Variants in SPAG16 observed in about 807,000 individuals in gnomAD.
SPAG16 encodes sperm associated antigen 16.
In SPAG16, 86 loss-of-function variants were observed where a neutral mutation model predicts 80.4. The observed-to-expected ratio is 1.07, with a 90% confidence interval of 0.90 to 1.28. The LOEUF (loss-of-function observed/expected upper bound fraction) is 1.28. SPAG16 is among the 50% of genes most tolerant of loss of function. The pLI, the probability that SPAG16 is intolerant of heterozygous loss-of-function variation, is 0.00. For synonymous variants in SPAG16, 294 were observed against 265.9 expected (o/e 1.11, Z -1.03); for missense variants, 870 against 765.3 (o/e 1.14, Z -1.61).
intron 10 of SPAG16, among the ~76,000 whole-genome samples, chr2:213,608,238 T>A (rs190026614): frequency 0.012 from 1,838 of 152,300 alleles, 34 homozygotes; most frequent in African/African-American, 0.031. Context: ...GTTTGTTACA[T>A]ATGTATACAT....
chr2:214,018,133 C>T (rs1013556353), intron 13 of SPAG16, among the ~76,000 whole-genome samples: 4 of 151,828 alleles, frequency 2.6e-5, no homozygotes, highest in Non-Finnish European at 2.9e-5. Context: ...AAATTGTTAA[C>T]GAAAATATTG....
intron 10 of SPAG16, among the ~76,000 whole-genome samples, chr2:213,677,841 A>G (rs1047935331): frequency 1.3e-5 from 2 of 152,194 alleles, no homozygotes; most frequent in African/African-American, 4.8e-5. Flanking sequence ...CACCACACCG[A>G]TTCCAAAATT....
intron 11 of SPAG16, among the ~76,000 whole-genome samples, chr2:213,918,335 T>C (rs141220011): frequency 6.6e-6 from 1 of 152,174 alleles, no homozygotes; most frequent in Non-Finnish European, 1.5e-5. Flanking sequence ...ACAGTTTCAG[T>C]AAGAGTGATA....
chr2:213,605,316 G>C (rs527586060), intron 10 of SPAG16, among the ~76,000 whole-genome samples: 1 of 149,974 alleles, frequency 6.7e-6, no homozygotes, highest in African/African-American at 2.5e-5. Context: ...ACCCAGGCTG[G>C]AGTGCAGTGG....
At chr2:214,052,977 A>T (rs1199674653) in intron 13 of SPAG16, among the ~76,000 whole-genome samples, 1 of 152,168 alleles carries the variant, frequency 6.6e-6, no homozygotes, top group Non-Finnish European at 1.5e-5. Context: ...CCTACATTCA[A>T]CTTGAATAGG....
At chr2:214,273,203 G>A (rs1355834253) in intron 15 of SPAG16, among the ~76,000 whole-genome samples, 3 of 152,082 alleles carry the variant, frequency 2.0e-5, no homozygotes, top group East Asian at 3.9e-4. Flanking sequence ...CCCTTTGTCC[G>A]ATGGGTAGAT....
chr2:214,100,719 T>G (rs2052955689), intron 13 of SPAG16, among the ~76,000 whole-genome samples: 1 of 152,122 alleles, frequency 6.6e-6, no homozygotes, highest in Non-Finnish European at 1.5e-5. Context: ...AAGGACATGA[T>G]CTCATTCTTT....
At chr2:213,522,393 G>A (rs2075711332) in intron 10 of SPAG16, among the ~76,000 whole-genome samples, 1 of 152,202 alleles carries the variant, frequency 6.6e-6, no homozygotes, top group Non-Finnish European at 1.5e-5. Flanking sequence ...CTAATTTCTA[G>A]AGGCAATCCT....
chr2:213,783,167 G>A (rs1009673092), intron 10 of SPAG16, among the ~76,000 whole-genome samples: 9 of 150,014 alleles, frequency 6.0e-5, no homozygotes, highest in African/African-American at 1.5e-4. Flanking sequence ...TTGTTCTTGC[G>A]ATAGTTTACT....
intron 11 of SPAG16, among the ~76,000 whole-genome samples, chr2:213,919,782 G>A (rs2078127305): frequency 6.6e-6 from 1 of 152,262 alleles, no homozygotes; most frequent in Middle Eastern, 3.4e-3. Context: ...TTTGGGAGGG[G>A]AGAGTTCTGT....
intron 15 of SPAG16, among the ~76,000 whole-genome samples, chr2:214,182,767 C>T (rs989940204): frequency 5.3e-5 from 8 of 151,826 alleles, no homozygotes; most frequent in African/African-American, 1.5e-4. Context: ...TTGTAAGAAA[C>T]GATCTCCTTA....
intron 10 of SPAG16, among the ~76,000 whole-genome samples, chr2:213,816,593 A>G (rs180822401): frequency 4.3e-4 from 65 of 152,186 alleles, no homozygotes; most frequent in African/African-American, 1.2e-3. Flanking sequence ...ACCACTATCT[A>G]TCTGCTTGAC....
intron 10 of SPAG16, among the ~76,000 whole-genome samples, chr2:213,831,192 A>G (rs2073631223): frequency 6.6e-6 from 1 of 151,524 alleles, no homozygotes; most frequent in Non-Finnish European, 1.5e-5. Context: ...AGCACTCACC[A>G]CTGCATCCAG....
At chr2:213,402,769 T>C (rs2068390942) in intron 9 of SPAG16, among the ~76,000 whole-genome samples, 1 of 152,266 alleles carries the variant, frequency 6.6e-6, no homozygotes, top group Non-Finnish European at 1.5e-5. Context: ...TCATTTTTTA[T>C]GGCTGCATAG....
chr2:214,059,313 T>A (rs1439810696), intron 13 of SPAG16, among the ~76,000 whole-genome samples: 5 of 148,596 alleles, frequency 3.4e-5, no homozygotes, highest in Non-Finnish European at 5.9e-5. Flanking sequence ...TCCTCAGACT[T>A]CTGAATGGTT....
chr2:214,160,935 C>G (rs562781768), intron 15 of SPAG16, among the ~76,000 whole-genome samples: 3 of 152,088 alleles, frequency 2.0e-5, no homozygotes, highest in Non-Finnish European at 4.4e-5. Flanking sequence ...CTGCACTAAA[C>G]ATTTTTCTCA....
intron 10 of SPAG16, among the ~76,000 whole-genome samples, chr2:213,583,220 C>T (rs2060352958): frequency 6.6e-6 from 1 of 152,102 alleles, no homozygotes; most frequent in Admixed American, 6.6e-5. Context: ...AAAAAACAGG[C>T]TCCTTTCCAA....
At chr2:213,515,307 A>G (rs1434337672) in intron 10 of SPAG16, among the ~76,000 whole-genome samples, 1 of 152,178 alleles carries the variant, frequency 6.6e-6, no homozygotes, top group Non-Finnish European at 1.5e-5. Context: ...AAAACAAGAA[A>G]GCCCATTATT....
At chr2:213,503,092 G>A (rs959485558) in intron 10 of SPAG16, among the ~76,000 whole-genome samples, 3 of 152,066 alleles carry the variant, frequency 2.0e-5, no homozygotes, top group African/African-American at 4.8e-5. Context: ...TAATAGTACC[G>A]ATTACTATGT....
Sources: gnomAD v4.1 joint callset for allele counts (sites outside exome capture counted in the v4.1 genomes callset) on GRCh38, gnomAD v4.1.1 for gene constraint, MANE v1.5 for transcripts, NCBI Gene and HGNC (gene_info 2026-07-23, HGNC 2026-07-21) for gene names.